Variants in TBC1D25 observed in about 807,000 individuals in gnomAD.
The protein encoded by TBC1D25 is 5SN3 snoRNA.
In TBC1D25, 13 loss-of-function variants were observed where a neutral mutation model predicts 38.8. That is an observed-to-expected ratio of 0.34 (90% CI 0.22 to 0.53). The LOEUF (loss-of-function observed/expected upper bound fraction) is 0.53. Ranked by LOEUF, TBC1D25 falls within the 20% of genes least tolerant of loss-of-function variation. TBC1D25 has a pLI of 0.94. For synonymous variants in TBC1D25, 225 were observed against 255.6 expected (o/e 0.88, Z 1.14); for missense variants, 372 against 600.0 (o/e 0.62, Z 3.97).
chrX:48,543,611 G>A (rs1338797097), intron 2 of TBC1D25, among the ~76,000 whole-genome samples: 1 of 106,417 alleles, frequency 9.4e-6, no homozygotes, highest in African/African-American at 3.4e-5. Context: ...TCAGCCGGGC[G>A]CTGTGGCTCA....
intron 2 of TBC1D25, 65 bp from the exon 3 acceptor site, chrX:48,544,804 G>A: frequency 8.5e-7 from 1 of 1,171,718 alleles, no homozygotes; most frequent in Admixed American, 2.5e-5. Flanking sequence ...CCTTGTTTTG[G>A]AAACTGTCCC....
In TBC1D25 at chrX:48,559,997, C is replaced by T. The variant is rs781947766; in HGVS notation, c.1089C>T (p.Ala363=). The change falls in exon 6 of 6, where the codon GCC becomes GCT. Residue 363 remains alanine (A), a synonymous_variant. Coordinates refer to ENST00000376771, the MANE Select transcript of TBC1D25 (RefSeq NM_002536.4). ...TTTGTGGCATCATGAAACGCCTGGC[C>T]GCCAACTTCCACCCTGACGGCCGCG... ...VCFCGIMKRL[A]ANFHPDGRAM... The T allele has an allele frequency of 4.1e-5, 49 of 1,209,422 alleles. No individual in the cohort carries two copies. Among genetic ancestry groups the T allele is most frequent in the East Asian group, 3.0e-5 (1 of 33,763 alleles).
At chrX:48,547,292 G>A (rs1321505151) in intron 3 of TBC1D25, among the ~76,000 whole-genome samples, 1 of 111,634 alleles carries the variant, frequency 9.0e-6, no homozygotes, top group South Asian at 3.7e-4. Flanking sequence ...GTTAAAATTG[G>A]CAGCTTTGCA....
chrX:48,556,521 T>C (rs11798447), intron 3 of TBC1D25, among the ~76,000 whole-genome samples: 56,519 of 108,585 alleles, frequency 0.52, 11,874 homozygotes, highest in African/African-American at 0.76. Flanking sequence ...TTTCCCCACA[T>C]AAGGCGGGTG....
At chrX:48,545,376 A>G (rs2061875165) in intron 3 of TBC1D25, among the ~76,000 whole-genome samples, 1 of 112,692 alleles carries the variant, frequency 8.9e-6, no homozygotes, top group Admixed American at 9.4e-5. Context: ...TAATAATTAG[A>G]TATAATGCAG....
At chrX:48,540,269 A>G (rs946720099) in intron 1 of TBC1D25, among the ~76,000 whole-genome samples, 1 of 111,503 alleles carries the variant, frequency 9.0e-6, no homozygotes, top group African/African-American at 3.3e-5. Context: ...GAGTCAGTCA[A>G]CCCATGTGTT....
intron 1 of TBC1D25, among the ~76,000 whole-genome samples, chrX:48,540,915 A>G (rs2061833696): frequency 8.9e-6 from 1 of 112,283 alleles, no homozygotes; most frequent in African/African-American, 3.2e-5. Context: ...GATGGTTTCA[A>G]GGTAACTTCT....
intron 3 of TBC1D25, among the ~76,000 whole-genome samples, chrX:48,545,661 C>T (rs1264837796): frequency 8.9e-6 from 1 of 112,183 alleles, no homozygotes; most frequent in African/African-American, 3.2e-5. Flanking sequence ...AATTTGATTA[C>T]AGACCATACA....
chrX:48,543,838 C>T (rs1295606410), intron 2 of TBC1D25, among the ~76,000 whole-genome samples: 2 of 104,344 alleles, frequency 1.9e-5, no homozygotes, highest in Admixed American at 1.0e-4. Context: ...GAGCCGAGAT[C>T]GCACCATTGC....
chrX:48,551,967 T>C (rs1417476284), intron 3 of TBC1D25, among the ~76,000 whole-genome samples: 1 of 111,010 alleles, frequency 9.0e-6, no homozygotes, highest in African/African-American at 3.3e-5. Flanking sequence ...TTTTAATCAG[T>C]ATAAAATGTC....
intron 3 of TBC1D25, among the ~76,000 whole-genome samples, chrX:48,547,937 C>CAA (rs1166013131): frequency 1.1e-4 from 4 of 36,036 alleles, no homozygotes; most frequent in Non-Finnish European, 1.5e-4. Flanking sequence ...GACTCCATCT[C>CAA]AAAAAAAAAA....
intron 3 of TBC1D25, among the ~76,000 whole-genome samples, chrX:48,556,844 T>G (rs1470789182): frequency 1.0e-4 from 11 of 107,423 alleles, no homozygotes; most frequent in African/African-American, 2.4e-4. Context: ...TCTCTGAAGA[T>G]CCTCTCGAAC....
At position 48,560,746 on chromosome X, in the gene TBC1D25, G is replaced by A. The variant is rs782509065; in HGVS notation, c.1838G>A (p.Arg613Gln). ...CTGCCCCCACCCCAGGAGTTTGGCC[G>A]GGGGAACCCATTCATGCTGTTCCTC... ...MGLPPPQEFG[R>Q]GNPFMLFLCL... The change falls in exon 6 of 6, where the codon CGG (arginine) becomes CAG (glutamine). Residue 613 changes from arginine to glutamine, a missense_variant. Physicochemically the swap from Arg to Gln is conservative, Grantham distance 43. Transcript: ENST00000376771. 1.8e-4 allele frequency: 213 copies of A among 1,209,809 alleles called. 2 individuals are homozygous for A. The highest frequency in any genetic ancestry group is 5.1e-4 in the South Asian group (29 of 56,726).
At chrX:48,554,487 G>A (rs1556984124) in intron 3 of TBC1D25, among the ~76,000 whole-genome samples, 1 of 106,129 alleles carries the variant, frequency 9.4e-6, no homozygotes, top group Non-Finnish European at 1.9e-5. Context: ...TTGAACCCAG[G>A]AGGCGGAGGT....
At chrX:48,542,598 A>C (rs1372026727) in intron 2 of TBC1D25, among the ~76,000 whole-genome samples, 2 of 100,263 alleles carry the variant, frequency 2.0e-5, no homozygotes, top group Admixed American at 1.1e-4. Context: ...AGTGATTCTC[A>C]TGCCTCAGCC....
At chrX:48,552,936 C>T (rs1349992188) in intron 3 of TBC1D25, among the ~76,000 whole-genome samples, 4 of 109,336 alleles carry the variant, frequency 3.7e-5, no homozygotes, top group Admixed American at 1.0e-4. Flanking sequence ...GTAACAGAAG[C>T]GCACCACCAC....
chrX:48,555,467 C>T (rs1335601790), intron 3 of TBC1D25, among the ~76,000 whole-genome samples: 9 of 112,545 alleles, frequency 8.0e-5, no homozygotes, highest in African/African-American at 2.9e-4. Flanking sequence ...AAGTTAGCCA[C>T]TTGGGCCGGA....
Position 48,560,013 on chromosome X carries a change from G to A in TBC1D25, c.1105G>A (p.Asp369Asn). 1 of 1,210,419 alleles carries A rather than the reference G, an allele frequency of 8.3e-7. No homozygotes were observed. Among genetic ancestry groups the A allele is most frequent in the Non-Finnish European group, 1.1e-6 (1 of 894,835 alleles). ...MKRLAANFHP[D>N]GRAMATKFAH... ...ACGCCTGGCCGCCAACTTCCACCCT[G>A]ACGGCCGCGCCATGGCCACCAAGTT... Residue 369 changes from aspartate (D) to asparagine (N), a missense_variant, in exon 6 of 6, where the codon GAC (aspartate) becomes AAC (asparagine). Transcript: ENST00000376771.
intron 3 of TBC1D25, among the ~76,000 whole-genome samples, chrX:48,546,560 G>C (rs1205575073): frequency 1.1e-4 from 12 of 111,582 alleles, no homozygotes; most frequent in African/African-American, 3.6e-4. Flanking sequence ...AATCCCATCT[G>C]TGAGAGCTCT....
Sources: allele counts gnomAD v4.1 joint callset (sites outside exome capture counted in the v4.1 genomes callset), GRCh38; gene constraint gnomAD v4.1.1; transcripts MANE v1.5; gene names NCBI Gene and HGNC (gene_info 2026-07-23, HGNC 2026-07-21).